The following LARP4 variants were observed in gnomAD, a reference collection of about 807,000 sequenced individuals.
LARP4 encodes the protein La ribonucleoprotein 4, also known as la-related protein 4.
LARP4 carries 29 observed loss-of-function variants against 92.9 expected under a neutral mutation model. The observed-to-expected ratio is 0.31, with a 90% confidence interval of 0.23 to 0.43. The LOEUF is 0.43. Among genes scored for constraint, LARP4 ranks in the 20% least tolerant of loss-of-function variants. LARP4 has a pLI of 1.00. For missense variants in LARP4, 732 were observed against 860.0 expected (o/e 0.85, Z 1.86); for synonymous variants, 279 against 284.1 (o/e 0.98, Z 0.18).
In LARP4 at chr12:50,474,070, TACCAG is replaced by T; in HGVS notation, c.1740_1744del (p.Pro581PhefsTer18). The T allele has an allele frequency of 6.2e-7, 1 of 1,612,208 alleles. No homozygotes were observed. The highest frequency in any genetic ancestry group is 8.5e-7 in the Non-Finnish European group (1 of 1,179,434). On this transcript the variant is annotated frameshift_variant, in exon 15 of 16. Transcript: ENST00000398473. LOFTEE classifies it high-confidence loss of function. ...AAGGATGGTCTCAATCAGACAACTA[TACCAG>T]TTTCTCCTCCAAGTACTACAAAGCC...
chr12:50,441,361 C>T, intron 7 of LARP4: 1 of 358,020 alleles, frequency 2.8e-6, no homozygotes, highest in Non-Finnish European at 5.1e-6. Context: ...TGTTTTCAAT[C>T]CTAATGCATT....
At chr12:50,473,639 G>A (rs1565767420) in intron 14 of LARP4, 103 bp downstream of exon 14, 1 of 1,218,250 alleles carries the variant, frequency 8.2e-7, no homozygotes, top group Non-Finnish European at 1.1e-6. Context: ...GCCGAGGCAG[G>A]TGAATCACCT....
chr12:50,411,070 C>T (rs1446395500), intron 1 of LARP4, among the ~76,000 whole-genome samples: 1 of 152,096 alleles, frequency 6.6e-6, no homozygotes, highest in African/African-American at 2.4e-5. Flanking sequence ...CCTTGCTGTT[C>T]AAAGTGTTAT....
At chr12:50,475,075 C>T (rs1174986567) in intron 15 of LARP4, among the ~76,000 whole-genome samples, 1 of 152,216 alleles carries the variant, frequency 6.6e-6, no homozygotes, top group African/African-American at 2.4e-5. Context: ...TCTGTTCTCA[C>T]AATACCTCTA....
intron 1 of LARP4, among the ~76,000 whole-genome samples, chr12:50,422,006 G>A (rs555558040): frequency 5.0e-4 from 69 of 137,888 alleles, no homozygotes; most frequent in African/African-American, 1.8e-3. Flanking sequence ...GTCTTGCTTT[G>A]TCACCCAGGT....
chr12:50,451,512 A>G (rs918389393), intron 8 of LARP4, among the ~76,000 whole-genome samples: 3 of 152,180 alleles, frequency 2.0e-5, no homozygotes, highest in African/African-American at 7.2e-5. Flanking sequence ...AGCCTGGCCA[A>G]CATGGTGAAA....
intron 6 of LARP4, among the ~76,000 whole-genome samples, chr12:50,439,515 A>G (rs954033811): frequency 1.1e-4 from 16 of 151,872 alleles, no homozygotes; most frequent in Admixed American, 4.6e-4. Context: ...CAGTCCTCCT[A>G]CCTCAGCCAC....
intron 12 of LARP4, among the ~76,000 whole-genome samples, chr12:50,463,528 G>T (rs1955747385): frequency 6.6e-6 from 1 of 151,778 alleles, no homozygotes; most frequent in African/African-American, 2.4e-5. Context: ...AGCCCAGAAG[G>T]TGGAGTGCAG....
In LARP4 at chr12:50,474,752, G is replaced by A. The variant is rs1957363352; in HGVS notation, c.1836+585G>A. On this transcript the variant is annotated intron_variant, in intron 15 of 15. Transcript: ENST00000398473. ...ATCATTTTGGGGCTAACATAAAGAG[G>A]CCTTGTGCCTCTTGATATTCTTTTG... Among the ~76,000 whole-genome samples, 5 of 152,146 alleles carry A rather than the reference G, an allele frequency of 3.3e-5. No homozygotes were observed. The South Asian group carries it at 8.3e-4, about 25-fold the overall frequency.
At chr12:50,427,667 C>A (rs1949001121) in intron 1 of LARP4, 95 bp from the exon 2 acceptor site, 1 of 655,186 alleles carries the variant, frequency 1.5e-6, no homozygotes, top group Admixed American at 3.2e-5. Flanking sequence ...GGGTTTCTCC[C>A]CCACTTTTAA....
chr12:50,427,885 G>T lies in LARP4; in HGVS notation c.142G>T (p.Ala48Ser), dbSNP rs756263092. The T allele has an allele frequency of 8.8e-6, 14 of 1,596,196 alleles. 1 individual carries two copies. The African/African-American group carries it at 1.2e-4, about 14-fold the overall frequency. Residue 48 changes from alanine to serine, a missense_variant, in exon 2 of 16, where the codon GCT becomes TCT. Ala to Ser is a moderately conservative substitution (Grantham distance 99, BLOSUM62 1). Coordinates refer to ENST00000398473, the MANE Select transcript of LARP4 (RefSeq NM_052879.5). The part of the protein sequence containing the change: ...GTESSWHEIA[A>S]TSGAHPEGNA... ...TGAAAGCTCTTGGCATGAAATAGCA[G>T]CTACATCAGGTGCTCATCCTGAGGG...
chr12:50,463,744 T>C (rs902241359), intron 12 of LARP4, among the ~76,000 whole-genome samples: 2 of 152,204 alleles, frequency 1.3e-5, no homozygotes, highest in African/African-American at 4.8e-5. Context: ...GTTGAATGCC[T>C]GTGGCTTTTC....
chr12:50,429,206 A>C, intron 3 of LARP4, 116 bp downstream of exon 3: 2 of 709,804 alleles, frequency 2.8e-6, no homozygotes, highest in East Asian at 2.8e-5. Context: ...TTTGAAAAGA[A>C]GGTTACGTTA....
Position 50,435,570 on chromosome 12 carries a change from G to C in LARP4, c.481G>C (p.Glu161Gln). 6.2e-7 allele frequency: 1 copy of C among 1,607,458 alleles called. No individual in the cohort carries two copies. Among genetic ancestry groups the C allele is most frequent in the Non-Finnish European group, 8.5e-7 (1 of 1,174,198 alleles). The change falls in exon 5 of 16, where the codon GAA (glutamate) becomes CAA (glutamine). Residue 161 changes from glutamate (E) to glutamine (Q), a missense_variant. By Grantham distance (29) the Glu-to-Gln change is conservative. Around this residue, in one of 7 missense-constraint regions of LARP4, gnomAD observed 236 missense variants for 307.6 expected, o/e 0.77. Transcript: ENST00000398473. ...FIPIWTVANM[E>Q]EIKKLTTDPD... ...CCCAATTTGGACAGTTGCCAACATG[G>C]AAGAAATAAAAAAGTTGACTACAGA... is the stretch of plus-strand genomic sequence containing the variant.
rs192582847 is a variant in LARP4 at position 50,429,588 on chromosome 12, T to C, written c.322+498T>C. ...GTCTATATATAAACAACTGCCTACT[T>C]TGAACATAGAGTTGAAGTGATATGG... On this transcript the variant is annotated intron_variant, in intron 3 of 15. Coordinates refer to ENST00000398473, the MANE Select transcript of LARP4 (RefSeq NM_052879.5). Among the ~76,000 whole-genome samples, 5 of 152,308 alleles carry C rather than the reference T, an allele frequency of 3.3e-5. No individual in the cohort carries two copies. The East Asian group carries it at 9.6e-4, about 29-fold the overall frequency.
intron 5 of LARP4, 106 bp downstream of exon 5, chr12:50,435,730 C>T (rs1210206643): frequency 2.6e-6 from 2 of 762,722 alleles, no homozygotes; most frequent in South Asian, 2.2e-5. Flanking sequence ...TCCCCACACC[C>T]TTATTTTGTT....
chr12:50,432,617 T>C (rs1042252581), intron 4 of LARP4, among the ~76,000 whole-genome samples: 48 of 152,208 alleles, frequency 3.2e-4, no homozygotes, highest in Middle Eastern at 6.8e-3. Flanking sequence ...CCCAGCACTT[T>C]GGGAGGCCAA....
At chr12:50,437,304 A>T (rs1015379565) in intron 5 of LARP4, among the ~76,000 whole-genome samples, 1 of 152,156 alleles carries the variant, frequency 6.6e-6, no homozygotes, top group Admixed American at 6.5e-5. Flanking sequence ...TTGAACTTTA[A>T]TCTTAGGAAG....
At chr12:50,468,378 C>G (rs189837897) in intron 13 of LARP4, among the ~76,000 whole-genome samples, 1 of 151,790 alleles carries the variant, frequency 6.6e-6, no homozygotes, top group Non-Finnish European at 1.5e-5. Flanking sequence ...ACTGCGAGCT[C>G]TGCCTCCTGG....
Sources: allele counts gnomAD v4.1 joint callset (sites outside exome capture counted in the v4.1 genomes callset), GRCh38; gene constraint gnomAD v4.1.1; regional missense constraint gnomAD v4.1.1; transcripts MANE v1.5; gene names NCBI Gene and HGNC (gene_info 2026-07-23, HGNC 2026-07-21).